Variants in ZCCHC7 observed in about 807,000 individuals in gnomAD.
ZCCHC7 encodes the protein zinc finger CCHC-type containing 7, also known as zinc finger CCHC domain-containing protein 7.
Under a neutral mutation model 52.0 loss-of-function variants are expected in ZCCHC7, and 35 were observed. The ratio of observed to expected loss-of-function variants is 0.67; its 90% CI spans 0.51 to 0.89. The LOEUF (loss-of-function observed/expected upper bound fraction) is 0.89, where lower values mean the gene tolerates loss of function less well. ZCCHC7 is among the 40% of genes least tolerant of loss of function. ZCCHC7 has a pLI of 0.00. For missense variants in ZCCHC7, 574 were observed against 649.1 expected (o/e 0.88, Z 1.26); for synonymous variants, 217 against 221.5 (o/e 0.98, Z 0.18).
At chr9:37,148,146 A>G (rs1843523802) in intron 2 of ZCCHC7, among the ~76,000 whole-genome samples, 2 of 152,162 alleles carry the variant, frequency 1.3e-5, no homozygotes, top group African/African-American at 4.8e-5. Context: ...GAACAAAGGC[A>G]TAGATAATCA....
At chr9:37,243,846 T>C (rs186194404) in intron 2 of ZCCHC7, among the ~76,000 whole-genome samples, 4 of 152,020 alleles carry the variant, frequency 2.6e-5, no homozygotes, top group Non-Finnish European at 4.4e-5. Context: ...GCTAGCCTTC[T>C]GGTGTTTTCA....
rs866822242 is a variant in ZCCHC7, at chr9:37,249,682, C to T, written c.611-52506C>T. Among the ~76,000 whole-genome samples the T allele has an allele frequency of 6.6e-5, 10 of 152,092 alleles. No homozygotes were observed. The Middle Eastern group carries it at 0.014, about 207-fold the overall frequency. On this transcript the variant is annotated intron_variant, in intron 2 of 8. Coordinates refer to ENST00000336755, the MANE Select transcript of ZCCHC7 (RefSeq NM_032226.3). ...GCCAGGGTGGTCTCAATCTGTTGAC[C>T]TCTTGATCTGCCCTCCTCGGCCTCC...
chr9:37,294,405 T>C (rs575760230), intron 2 of ZCCHC7, among the ~76,000 whole-genome samples: 2 of 152,222 alleles, frequency 1.3e-5, no homozygotes, highest in African/African-American at 2.4e-5. Flanking sequence ...TTTGTCTGTG[T>C]GGTCTTTAAT....
At chr9:37,136,049 G>C (rs1246983943) in intron 2 of ZCCHC7, among the ~76,000 whole-genome samples, 1 of 151,820 alleles carries the variant, frequency 6.6e-6, no homozygotes, top group Non-Finnish European at 1.5e-5. Context: ...TTTTTTGTTT[G>C]TTTTTCTTTT....
chr9:37,199,314 T>G (rs1246810051), intron 2 of ZCCHC7, among the ~76,000 whole-genome samples: 1 of 150,984 alleles, frequency 6.6e-6, no homozygotes, highest in Admixed American at 6.6e-5. Context: ...TTTTCTTTTT[T>G]CTTTTCTTTC....
chr9:37,257,007 A>T (rs1193102384), intron 2 of ZCCHC7, among the ~76,000 whole-genome samples: 1 of 152,218 alleles, frequency 6.6e-6, no homozygotes, highest in Non-Finnish European at 1.5e-5. Context: ...ATTGACATGT[A>T]TATTTTATAT....
intron 2 of ZCCHC7, among the ~76,000 whole-genome samples, chr9:37,206,552 A>G (rs967796666): frequency 2.0e-5 from 3 of 151,916 alleles, no homozygotes; most frequent in Non-Finnish European, 4.4e-5. Flanking sequence ...GGTTTTGCCC[A>G]TGTTGCCCAG....
At chr9:37,244,388 A>G (rs1047267507) in intron 2 of ZCCHC7, among the ~76,000 whole-genome samples, 10 of 151,922 alleles carry the variant, frequency 6.6e-5, no homozygotes, top group Non-Finnish European at 1.2e-4. Flanking sequence ...TGTTTTAGGC[A>G]GAATGGTTTT....
chr9:37,182,769 A>T, intron 2 of ZCCHC7, among the ~76,000 whole-genome samples: 1 of 152,220 alleles, frequency 6.6e-6, no homozygotes, highest in Middle Eastern at 3.2e-3. Flanking sequence ...TATTCATTTT[A>T]GTGTGAGAGA....
intron 2 of ZCCHC7, among the ~76,000 whole-genome samples, chr9:37,127,966 T>C (rs1176240425): frequency 2.0e-5 from 3 of 152,220 alleles, no homozygotes; most frequent in African/African-American, 7.2e-5. Flanking sequence ...AGTAAAGCCC[T>C]ACTTACAAAA....
At chr9:37,174,139 C>T (rs562021042) in intron 2 of ZCCHC7, among the ~76,000 whole-genome samples, 2 of 152,046 alleles carry the variant, frequency 1.3e-5, no homozygotes, top group African/African-American at 4.8e-5. Flanking sequence ...TGGTGAAACC[C>T]CATCTCTACG....
intron 2 of ZCCHC7, among the ~76,000 whole-genome samples, chr9:37,230,385 T>G (rs2133308026): frequency 6.6e-6 from 1 of 152,288 alleles, no homozygotes; most frequent in East Asian, 1.9e-4. Context: ...TGATAGGAAT[T>G]TTATGGGACA....
At chr9:37,343,926 A>G (rs185227832) in intron 6 of ZCCHC7, among the ~76,000 whole-genome samples, 5 of 152,356 alleles carry the variant, frequency 3.3e-5, no homozygotes, top group East Asian at 1.9e-4. Context: ...CTGTGTTCCA[A>G]TAAAACTTTA....
chr9:37,344,403 A>G (rs1295350942), intron 6 of ZCCHC7, among the ~76,000 whole-genome samples: 1 of 152,158 alleles, frequency 6.6e-6, no homozygotes, highest in Non-Finnish European at 1.5e-5. Context: ...ATAAAGCCCT[A>G]AGTGATCTGG....
At chr9:37,256,956 C>G (rs1422081726) in intron 2 of ZCCHC7, among the ~76,000 whole-genome samples, 3 of 152,012 alleles carry the variant, frequency 2.0e-5, no homozygotes, top group African/African-American at 7.2e-5. Context: ...CTCATAGATT[C>G]TTCATTGGAT....
chr9:37,148,677 C>T (rs1428236933), intron 2 of ZCCHC7, among the ~76,000 whole-genome samples: 1 of 152,086 alleles, frequency 6.6e-6, no homozygotes, highest in Non-Finnish European at 1.5e-5. Context: ...CAGTGTTTCT[C>T]ATTGGGATTT....
intron 2 of ZCCHC7, among the ~76,000 whole-genome samples, chr9:37,292,224 A>G (rs552865788): frequency 6.6e-6 from 1 of 152,302 alleles, no homozygotes; most frequent in East Asian, 1.9e-4. Flanking sequence ...AAATTATGAA[A>G]TGACTTAGTT....
chr9:37,285,299 CAA>C (rs1243184830), intron 2 of ZCCHC7, among the ~76,000 whole-genome samples: 1 of 152,114 alleles, frequency 6.6e-6, no homozygotes, highest in Admixed American at 6.5e-5. Context: ...CATAATTACT[CAA>C]TATGTCTTGG....
intron 5 of ZCCHC7, among the ~76,000 whole-genome samples, chr9:37,307,935 G>A (rs546591691): frequency 6.6e-6 from 1 of 152,198 alleles, no homozygotes; most frequent in South Asian, 2.1e-4. Flanking sequence ...CTTATGTCTG[G>A]ATAAGTATTG....
Sources: allele counts gnomAD v4.1 joint callset (sites outside exome capture counted in the v4.1 genomes callset), GRCh38; gene constraint gnomAD v4.1.1; transcripts MANE v1.5; gene names NCBI Gene and HGNC (gene_info 2026-07-23, HGNC 2026-07-21).